Variants in ITGB8 observed in about 807,000 individuals in gnomAD.
ITGB8 encodes integrin beta-8.
ITGB8 carries 30 observed loss-of-function variants against 89.5 expected under a neutral mutation model. The ratio of observed to expected loss-of-function variants is 0.34; its 90% CI spans 0.25 to 0.45. The LOEUF (loss-of-function observed/expected upper bound fraction) is 0.45, where lower values mean the gene tolerates loss of function less well. Ranked by LOEUF, ITGB8 falls within the 20% of genes least tolerant of loss-of-function variation. The probability of loss-of-function intolerance (pLI) is 1.00; values close to 1 mark genes in which losing one functional copy is unlikely to be tolerated. For synonymous variants in ITGB8, 335 were observed against 320.4 expected (o/e 1.05, Z -0.49); for missense variants, 836 against 933.3 (o/e 0.90, Z 1.36).
rs1212133300 is a variant in ITGB8, at chr7:20,414,868, A to T, written c.*4871A>T. 2 of 152,548 alleles carry T rather than the reference A, an allele frequency of 1.3e-5. No individual in the cohort carries two copies. Among genetic ancestry groups the T allele is most frequent in the Non-Finnish European group, 2.9e-5 (2 of 67,974 alleles). 9.4% of individuals were successfully genotyped at this position (152,548 alleles called of 1,614,324 possible). A position where few individuals can be genotyped will look rare whatever the true frequency, so the allele number is the denominator to read the frequency against. ...TTATCTTTGTAAGCTAACTCTATTA[A>T]TCAGGTTTCTTCTAGCCTCTGCAAC... is the stretch of plus-strand genomic sequence containing the variant. On this transcript the variant is annotated 3_prime_UTR_variant, in exon 14 of 14. Coordinates refer to ENST00000222573, the MANE Select transcript of ITGB8 (RefSeq NM_002214.3).
At chr7:20,358,595 G>A (rs552255953) in intron 1 of ITGB8, among the ~76,000 whole-genome samples, 26 of 151,980 alleles carry the variant, frequency 1.7e-4, no homozygotes, top group Admixed American at 1.2e-3. Context: ...TAGAGACAGG[G>A]TTTCACCATA....
At chr7:20,348,162 G>A (rs1337165045) in intron 1 of ITGB8, among the ~76,000 whole-genome samples, 2 of 152,174 alleles carry the variant, frequency 1.3e-5, no homozygotes, top group Admixed American at 1.3e-4. Flanking sequence ...AGAGGACTTG[G>A]TATGAGTTCT....
intron 6 of ITGB8, among the ~76,000 whole-genome samples, chr7:20,383,680 C>T (rs1204818477): frequency 6.6e-6 from 1 of 152,056 alleles, no homozygotes; most frequent in Non-Finnish European, 1.5e-5. Context: ...CAAAGAAATG[C>T]TGTCATAATT....
chr7:20,393,526 A>G (rs140194698), intron 7 of ITGB8, among the ~76,000 whole-genome samples: 116 of 152,276 alleles, frequency 7.6e-4, no homozygotes, highest in African/African-American at 2.6e-3. Context: ...TACTCCCTTG[A>G]GTAAAAGTTT....
intron 3 of ITGB8, among the ~76,000 whole-genome samples, chr7:20,368,291 A>G (rs984965509): frequency 2.0e-5 from 3 of 152,182 alleles, no homozygotes; most frequent in East Asian, 1.9e-4. Context: ...CCCACCTTCC[A>G]TTGCAAAAAA....
rs538997174 is a variant in ITGB8 at position 20,394,612 on chromosome 7, T to C, written c.1057-284T>C. 7.9e-5 allele frequency among the ~76,000 whole-genome samples: 12 copies of C among 152,296 alleles called. No homozygotes were observed. In the East Asian group the frequency reaches 9.6e-4, roughly 12 times the overall value. On this transcript the variant is annotated intron_variant, in intron 7 of 13. Coordinates refer to ENST00000222573, the MANE Select transcript of ITGB8 (RefSeq NM_002214.3). ...GGGCTTTACATTCCATGGAAGAAAT[T>C]TGGGAGATGCTCATCTGCATTTCGA...
intron 2 of ITGB8, chr7:20,364,687 C>G (rs995709506): frequency 6.6e-5 from 10 of 152,206 alleles, no homozygotes; most frequent in African/African-American, 1.9e-4. Flanking sequence ...ACCCGTGAAG[C>G]CAGGCATGTC....
intron 3 of ITGB8, among the ~76,000 whole-genome samples, chr7:20,378,263 C>G (rs934555550): frequency 2.0e-4 from 30 of 152,234 alleles, no homozygotes; most frequent in African/African-American, 6.7e-4. Context: ...TTGTGGCAGC[C>G]CCCTCTCCTC....
chr7:20,361,312 A>T (rs1292938014), intron 1 of ITGB8, among the ~76,000 whole-genome samples: 1 of 152,224 alleles, frequency 6.6e-6, no homozygotes, highest in African/African-American at 2.4e-5. Flanking sequence ...CAAGTTGGCG[A>T]AAGTCAAATT....
intron 2 of ITGB8, chr7:20,364,926 C>T (rs1004290310): frequency 6.6e-6 from 1 of 152,188 alleles, no homozygotes; most frequent in Non-Finnish European, 1.5e-5. Flanking sequence ...TAAGGAAAAT[C>T]CTTAGAGCCC....
At chr7:20,364,836 T>C (rs1785632672) in intron 2 of ITGB8, 1 of 152,254 alleles carries the variant, frequency 6.6e-6, no homozygotes, top group African/African-American at 2.4e-5. Context: ...CTTCCAGGTT[T>C]TTCTCTGTCA....
Position 20,406,124 on chromosome 7 carries a change from C to A in ITGB8, c.1976C>A (p.Thr659Asn), listed in dbSNP as rs368140852. The A allele has an allele frequency of 2.3e-5, 37 of 1,613,404 alleles. No homozygotes were observed. Among genetic ancestry groups the A allele is most frequent in the Non-Finnish European group, 3.1e-5 (36 of 1,179,472 alleles). Reference sequence around the variant, plus strand: ...CAGGCTATACTTGATCAGTGCAAAACCTCATGTGCTCTCATGGAACAACAG... The same window carrying A: ...CAGGCTATACTTGATCAGTGCAAAAACTCATGTGCTCTCATGGAACAACAG... ...LSQAILDQCK[T>N]SCALMEQQHY... Residue 659 changes from threonine to asparagine, a missense_variant, in exon 12 of 14, where the codon ACC becomes AAC. Thr to Asn is a moderately conservative substitution (Grantham distance 65). Around this residue, in one of 5 missense-constraint regions of ITGB8, gnomAD observed 422 missense variants for 416.9 expected, o/e 1.01. Coordinates refer to ENST00000222573, the MANE Select transcript of ITGB8 (RefSeq NM_002214.3).
chr7:20,374,724 T>C (rs1458323699), intron 3 of ITGB8, among the ~76,000 whole-genome samples: 1 of 152,152 alleles, frequency 6.6e-6, no homozygotes, highest in Non-Finnish European at 1.5e-5. Flanking sequence ...TATGCATTTG[T>C]AGGCTGTATA....
In ITGB8 at chr7:20,346,702, A is replaced by G. The variant is rs889455921; in HGVS notation, c.127+14769A>G. 3 of 985,194 alleles carry G rather than the reference A, an allele frequency of 3.0e-6. No homozygotes were observed. In the African/African-American group the frequency reaches 5.2e-5, roughly 17 times the overall value. 61.0% of individuals were successfully genotyped at this position (985,194 alleles called of 1,614,324 possible). On this transcript the variant is annotated intron_variant, in intron 1 of 13. Coordinates refer to ENST00000222573, the MANE Select transcript of ITGB8 (RefSeq NM_002214.3). ...ACGTGGACTTTCTCTGGGTGTCTTA[A>G]GACACTCTTGACTCCAGATGATTAA...
At chr7:20,352,511 ATCT>A (rs1345732785) in intron 1 of ITGB8, 1 of 152,254 alleles carries the variant, frequency 6.6e-6, no homozygotes, top group Non-Finnish European at 1.5e-5. Flanking sequence ...ATGTTTGGTC[ATCT>A]TCTTTCCACA....
chr7:20,390,135 A>G (rs1169041487), intron 6 of ITGB8, among the ~76,000 whole-genome samples: 1 of 152,154 alleles, frequency 6.6e-6, no homozygotes, highest in African/African-American at 2.4e-5. Flanking sequence ...AAGTTGGTTT[A>G]ACAGGATTTT....
At chr7:20,350,032 A>C (rs1234900074) in intron 1 of ITGB8, among the ~76,000 whole-genome samples, 1 of 152,218 alleles carries the variant, frequency 6.6e-6, no homozygotes. Flanking sequence ...GCCAAAACAC[A>C]AAACAGGGAA....
chr7:20,391,974 G>T (rs1292727164), intron 7 of ITGB8, among the ~76,000 whole-genome samples: 2 of 151,966 alleles, frequency 1.3e-5, no homozygotes, highest in Non-Finnish European at 2.9e-5. Context: ...GACCAAAAGG[G>T]GCCATCGAAG....
chr7:20,402,150 G>A, intron 10 of ITGB8, 24 bp downstream of exon 10: 14 of 1,556,646 alleles, frequency 9.0e-6, no homozygotes, highest in Non-Finnish European at 1.2e-5. Flanking sequence ...TATACAGGCA[G>A]CTTTTACTTG....
Sources: gnomAD v4.1 joint callset for allele counts (sites outside exome capture counted in the v4.1 genomes callset) on GRCh38, gnomAD v4.1.1 for gene constraint, gnomAD v4.1.1 regional missense constraint, MANE v1.5 for transcripts, NCBI Gene and HGNC (gene_info 2026-07-23, HGNC 2026-07-21) for gene names.